Variants in MEMO1 observed in about 807,000 individuals in gnomAD.
MEMO1 encodes the protein protein MEMO1.
A neutral mutation model predicts 45.2 loss-of-function variants in MEMO1; 6 were observed. The observed-to-expected ratio is 0.13, with a 90% CI of 0.07 to 0.26. The LOEUF is 0.26. Among genes scored for constraint, MEMO1 ranks in the 10% least tolerant of loss-of-function variants. The pLI, the probability that MEMO1 is intolerant of heterozygous loss-of-function variation, is 1.00. For missense variants in MEMO1, 184 were observed against 370.5 expected, an observed-to-expected ratio of 0.50 and a Z score of 4.13; for synonymous variants, 78 against 124.3, an observed-to-expected ratio of 0.63 and a Z score of 2.48.
intron 2 of MEMO1, among the ~76,000 whole-genome samples, chr2:32,003,696 A>G (rs1429424031): frequency 6.6e-6 from 1 of 152,242 alleles, no homozygotes; most frequent in Non-Finnish European, 1.5e-5. Flanking sequence ...TCAGGTAGGT[A>G]GAGATTTCAT....
intron 3 of MEMO1, 46 bp downstream of exon 3, chr2:31,943,256 C>A: frequency 7.1e-7 from 1 of 1,414,400 alleles, no homozygotes; most frequent in Non-Finnish European, 1.0e-6. Context: ...CACAGGGAGA[C>A]TCCTTCTCAA....
rs571313496 is a variant in MEMO1 at position 31,901,722 on chromosome 2, C to G, written c.438-9588G>C. Among the ~76,000 whole-genome samples, 3 of 151,886 alleles carry G rather than the reference C, an allele frequency of 2.0e-5. No homozygotes were observed. The East Asian group carries it at 5.9e-4, about 30-fold the overall frequency. ...AGGACTTTGGGACCAGTCTGGCCAA[C>G]ATGGTGAAACCCCGTCTCTACTAAA... On this transcript the variant is annotated intron_variant, in intron 6 of 9. Transcript: ENST00000404530.
intron 8 of MEMO1, among the ~76,000 whole-genome samples, chr2:31,870,800 A>T (rs1193861861): frequency 6.6e-6 from 1 of 151,896 alleles, no homozygotes; most frequent in African/African-American, 2.4e-5. Context: ...CTGGTCTTGA[A>T]CTCCTGACCT....
At chr2:31,872,325 C>T (rs1422120640) in intron 8 of MEMO1, among the ~76,000 whole-genome samples, 1 of 152,184 alleles carries the variant, frequency 6.6e-6, no homozygotes, top group East Asian at 1.9e-4. Context: ...TGAACACTTA[C>T]ATAGCTACAA....
chr2:31,978,851 T>A (rs2148492046), intron 2 of MEMO1, among the ~76,000 whole-genome samples: 1 of 152,370 alleles, frequency 6.6e-6, no homozygotes, highest in East Asian at 1.9e-4. Context: ...ACTTCTATTA[T>A]GGCCATCTTT....
In MEMO1 at chr2:31,923,787, C is replaced by G. The variant is rs59055862; in HGVS notation, c.213-2877G>C. 1.1e-5 allele frequency: 17 copies of G among 1,495,572 alleles called. No homozygotes were observed. The South Asian group carries it at 2.3e-4, about 20-fold the overall frequency. The allele number at this position is 1,495,572 out of a possible 1,614,324, so 92.6% of individuals were successfully genotyped here. A position where few individuals can be genotyped will look rare whatever the true frequency, so the allele number is the denominator to read the frequency against. ...GATTTTTAAAATAACAATCTAAATT[C>G]AAGGCATACATAAATTTCCTAAGTA... is the stretch of plus-strand genomic sequence containing the variant. On this transcript the variant is annotated intron_variant, in intron 4 of 9. Coordinates refer to ENST00000404530, the MANE Select transcript of MEMO1 (RefSeq NM_001301833.4).
chr2:31,949,702 T>C (rs549523810), intron 2 of MEMO1, among the ~76,000 whole-genome samples: 149 of 135,962 alleles, frequency 1.1e-3, no homozygotes, highest in African/African-American at 3.8e-3. Flanking sequence ...GATAGCACAA[T>C]AGGTTAGCTA....
intron 2 of MEMO1, among the ~76,000 whole-genome samples, chr2:31,968,077 T>C (rs919238769): frequency 2.0e-5 from 3 of 152,106 alleles, no homozygotes; most frequent in Non-Finnish European, 2.9e-5. Flanking sequence ...AGGAGTCCTG[T>C]GTGTCTCAAT....
At position 31,963,299 on chromosome 2, in the gene MEMO1, G is replaced by C. The variant is rs1374725782; in HGVS notation, c.62-19916C>G. On this transcript the variant is annotated intron_variant, in intron 2 of 9. Coordinates refer to ENST00000404530, the MANE Select transcript of MEMO1 (RefSeq NM_001301833.4). The stretch of plus-strand genomic sequence containing the variant: ...GAAGATAAACAGATCTACAGATAGG[G>C]ATACAGATAGATATAGATACAAATA... 3.5e-5 allele frequency: 52 copies of C among 1,486,374 alleles called. No homozygotes were observed. The South Asian group carries it at 6.7e-4, about 19-fold the overall frequency. The allele number at this position is 1,486,374 out of a possible 1,614,324, so 92.1% of individuals were successfully genotyped here. A position where few individuals can be genotyped will look rare whatever the true frequency, so the allele number is the denominator to read the frequency against.
intron 3 of MEMO1, among the ~76,000 whole-genome samples, chr2:31,935,599 A>G (rs1664819101): frequency 1.3e-5 from 2 of 152,210 alleles, no homozygotes; most frequent in African/African-American, 4.8e-5. Flanking sequence ...CCCACCACAA[A>G]GAACTCTACT....
intron 8 of MEMO1, among the ~76,000 whole-genome samples, chr2:31,883,153 C>T (rs1265134183): frequency 1.3e-5 from 2 of 151,840 alleles, no homozygotes; most frequent in Non-Finnish European, 2.9e-5. Context: ...ATTTTAAATC[C>T]GTATATATTA....
intron 6 of MEMO1, among the ~76,000 whole-genome samples, chr2:31,899,556 C>T (rs1181160685): frequency 1.3e-5 from 2 of 152,150 alleles, no homozygotes; most frequent in Admixed American, 6.5e-5. Context: ...AAAACTTAAA[C>T]GTAAGACCTA....
chr2:31,933,382 T>G (rs1303842208), intron 3 of MEMO1, among the ~76,000 whole-genome samples: 2 of 68,414 alleles, frequency 2.9e-5, no homozygotes, highest in Non-Finnish European at 5.5e-5. Flanking sequence ...TATATATATA[T>G]AGAAAGGGGA....
At chr2:31,949,850 A>G (rs1018058541) in intron 2 of MEMO1, among the ~76,000 whole-genome samples, 4 of 152,142 alleles carry the variant, frequency 2.6e-5, no homozygotes, top group South Asian at 4.1e-4. Flanking sequence ...TGCTTATTTC[A>G]TATTGCATGC....
intron 2 of MEMO1, among the ~76,000 whole-genome samples, chr2:31,991,350 T>C (rs1671922338): frequency 6.6e-6 from 1 of 151,988 alleles, no homozygotes; most frequent in Non-Finnish European, 1.5e-5. Context: ...GGTGGGAGGA[T>C]CATCTGAGGT....
chr2:31,897,534 T>C (rs1391139874), intron 6 of MEMO1, among the ~76,000 whole-genome samples: 1 of 152,238 alleles, frequency 6.6e-6, no homozygotes, highest in East Asian at 1.9e-4. Context: ...GATTTGTATA[T>C]GTTGAACCAG....
intron 6 of MEMO1, among the ~76,000 whole-genome samples, chr2:31,902,061 C>G (rs1484626394): frequency 6.6e-6 from 1 of 151,990 alleles, no homozygotes; most frequent in Non-Finnish European, 1.5e-5. Flanking sequence ...ATACTTTGAG[C>G]CCAGGAGTTC....
At chr2:31,948,524 G>A (rs148562513) in intron 2 of MEMO1, among the ~76,000 whole-genome samples, 66 of 152,276 alleles carry the variant, frequency 4.3e-4, no homozygotes, top group Non-Finnish European at 8.8e-4. Context: ...CTGATCTATC[G>A]TGAGAAATCT....
intron 7 of MEMO1, among the ~76,000 whole-genome samples, chr2:31,890,368 T>A: frequency 6.6e-6 from 1 of 152,140 alleles, no homozygotes. Flanking sequence ...CATGCTTTGT[T>A]ACCAACACAA....
Sources: allele counts gnomAD v4.1 joint callset (sites outside exome capture counted in the v4.1 genomes callset), GRCh38; gene constraint gnomAD v4.1.1; transcripts MANE v1.5; gene names NCBI Gene and HGNC (gene_info 2026-07-23, HGNC 2026-07-21).